The following MAP3K20 variants were observed in gnomAD, a reference collection of about 807,000 sequenced individuals.
The protein encoded by MAP3K20 is mitogen-activated protein kinase kinase kinase 20, also known as HCCS-4.
Under a neutral mutation model 85.7 loss-of-function variants are expected in MAP3K20, and 40 were observed. That is an observed-to-expected ratio of 0.47 (90% CI 0.36 to 0.61). The LOEUF is 0.61. Among genes scored for constraint, MAP3K20 ranks in the 20% least tolerant of loss-of-function variants. The probability of loss-of-function intolerance (pLI) is 0.00; values close to 1 mark genes in which losing one functional copy is unlikely to be tolerated. For missense variants in MAP3K20, 817 were observed against 961.7 expected, an observed-to-expected ratio of 0.85 and a Z score of 1.99; for synonymous variants, 325 against 327.7, an observed-to-expected ratio of 0.99 and a Z score of 0.09.
intron 3 of MAP3K20, among the ~76,000 whole-genome samples, chr2:173,178,493 A>C (rs1690232703): frequency 6.6e-6 from 1 of 152,022 alleles, no homozygotes; most frequent in Non-Finnish European, 1.5e-5. Flanking sequence ...AAAATACAAA[A>C]ATTAGCCAGG....
intron 2 of MAP3K20, among the ~76,000 whole-genome samples, chr2:173,153,240 C>A (rs1013574553): frequency 1.3e-5 from 2 of 152,292 alleles, no homozygotes; most frequent in African/African-American, 2.4e-5. Context: ...TTTCACCCCT[C>A]CCCTGTTAGG....
chr2:173,216,863 C>T (rs1254676363), intron 10 of MAP3K20, among the ~76,000 whole-genome samples: 1 of 152,162 alleles, frequency 6.6e-6, no homozygotes, highest in Admixed American at 6.5e-5. Flanking sequence ...ACCAGGACAC[C>T]AGCTCCATAG....
chr2:173,169,001 G>T (rs1689922289), intron 2 of MAP3K20, among the ~76,000 whole-genome samples: 1 of 152,044 alleles, frequency 6.6e-6, no homozygotes, highest in South Asian at 2.1e-4. Flanking sequence ...ACCACTGAAG[G>T]TCAAGAATCT....
chr2:173,106,817 G>A (rs550044651), intron 2 of MAP3K20, among the ~76,000 whole-genome samples: 10 of 152,300 alleles, frequency 6.6e-5, no homozygotes, highest in Admixed American at 2.6e-4. Context: ...AGGTGCTGGA[G>A]GCAGGAAGCT....
chr2:173,192,078 TATTTATA>T (rs781265343), intron 7 of MAP3K20, among the ~76,000 whole-genome samples: 4,275 of 114,044 alleles, frequency 0.037, 91 homozygotes, highest in South Asian at 0.073. Flanking sequence ...ACTGCCCTGC[TATTTATA>T]CTATTATACT....
chr2:173,204,263 A>G (rs1051295762), intron 9 of MAP3K20, among the ~76,000 whole-genome samples: 2 of 152,236 alleles, frequency 1.3e-5, no homozygotes, highest in Non-Finnish European at 2.9e-5. Flanking sequence ...TATGAAATAG[A>G]TGCCTCAATT....
intron 8 of MAP3K20, among the ~76,000 whole-genome samples, chr2:173,201,774 C>A (rs1181007776): frequency 6.6e-6 from 1 of 152,110 alleles, no homozygotes; most frequent in Admixed American, 6.6e-5. Context: ...AATTTGAATT[C>A]TATTTTAAAG....
chr2:173,098,536 C>T (rs1244650816), intron 2 of MAP3K20, among the ~76,000 whole-genome samples: 2 of 152,156 alleles, frequency 1.3e-5, no homozygotes, highest in African/African-American at 2.4e-5. Flanking sequence ...AGCCTTGGGT[C>T]CCATCCCCAA....
intron 7 of MAP3K20, among the ~76,000 whole-genome samples, chr2:173,195,348 C>G (rs1393884399): frequency 6.6e-6 from 1 of 152,050 alleles, no homozygotes; most frequent in Non-Finnish European, 1.5e-5. Context: ...AAGCTGGGCT[C>G]AGGTAATGGC....
intron 2 of MAP3K20, among the ~76,000 whole-genome samples, chr2:173,117,267 A>C (rs923533869): frequency 1.3e-5 from 2 of 152,050 alleles, no homozygotes; most frequent in African/African-American, 4.8e-5. Context: ...ATGTAGTTTT[A>C]AACTTCCTCA....
intron 11 of MAP3K20, chr2:173,224,269 C>T (rs1684327571): frequency 1.0e-6 from 1 of 985,240 alleles, no homozygotes; most frequent in South Asian, 4.7e-5. Context: ...TTGGGGCTAA[C>T]TTCGGGATCC....
intron 1 of MAP3K20, among the ~76,000 whole-genome samples, chr2:173,089,981 T>C (rs1257685498): frequency 6.6e-6 from 1 of 152,240 alleles, no homozygotes; most frequent in African/African-American, 2.4e-5. Flanking sequence ...CCAGATGTTT[T>C]GTAGAATGTC....
In MAP3K20 at chr2:173,127,904, C is replaced by T. The variant is rs183289856; in HGVS notation, c.159+36714C>T. 3.0e-4 allele frequency among the ~76,000 whole-genome samples: 45 copies of T among 152,242 alleles called. No individual in the cohort carries two copies. In the East Asian group the frequency reaches 6.4e-3, roughly 22 times the overall value. ...AGTGGGTTAGGAATTATTGCCAGGACGCAGGTGAAGAGATGGAGAGAAGTG... is the reference window on the plus strand; with the variant it reads ...AGTGGGTTAGGAATTATTGCCAGGATGCAGGTGAAGAGATGGAGAGAAGTG... On this transcript the variant is annotated intron_variant, in intron 2 of 19. Transcript: ENST00000375213.
At chr2:173,261,723 C>G (rs904106817) in intron 18 of MAP3K20, among the ~76,000 whole-genome samples, 2 of 152,128 alleles carry the variant, frequency 1.3e-5, no homozygotes, top group African/African-American at 4.8e-5. Context: ...TAAATCAATA[C>G]TGAAAAATAT....
chr2:173,185,630 A>G (rs1420011515), intron 4 of MAP3K20, among the ~76,000 whole-genome samples: 1 of 152,214 alleles, frequency 6.6e-6, no homozygotes, highest in African/African-American at 2.4e-5. Context: ...AAATCAGAGA[A>G]TGAATATTTT....
At chr2:173,106,790 A>T (rs1040957955) in intron 2 of MAP3K20, among the ~76,000 whole-genome samples, 1 of 152,184 alleles carries the variant, frequency 6.6e-6, no homozygotes, top group African/African-American at 2.4e-5. Flanking sequence ...TGATAGGTCA[A>T]GGGATTACTG....
intron 1 of MAP3K20, among the ~76,000 whole-genome samples, chr2:173,077,379 C>CAAAAAAA (rs35541382): frequency 1.0e-5 from 1 of 96,220 alleles, no homozygotes; most frequent in Non-Finnish European, 2.0e-5. Flanking sequence ...TTCAATTTTC[C>CAAAAAAA]AAAAAAAAAA....
At chr2:173,103,463 T>A (rs1687693543) in intron 2 of MAP3K20, among the ~76,000 whole-genome samples, 1 of 152,166 alleles carries the variant, frequency 6.6e-6, no homozygotes, top group South Asian at 2.1e-4. Flanking sequence ...GTATGAAGTG[T>A]TAAAAAGTTT....
intron 7 of MAP3K20, among the ~76,000 whole-genome samples, chr2:173,196,343 G>A (rs903214361): frequency 6.6e-6 from 1 of 151,302 alleles, no homozygotes; most frequent in African/African-American, 2.4e-5. Context: ...CCCTGTGTAG[G>A]TCAGGGTGAT....
Sources: gnomAD v4.1 joint callset for allele counts (sites outside exome capture counted in the v4.1 genomes callset) on GRCh38, gnomAD v4.1.1 for gene constraint, MANE v1.5 for transcripts, NCBI Gene and HGNC (gene_info 2026-07-23, HGNC 2026-07-21) for gene names.